The following NHLRC2 variants were observed in gnomAD, a reference collection of about 807,000 sequenced individuals.
The protein encoded by NHLRC2 is NHL repeat-containing protein 2.
In NHLRC2, 33 loss-of-function variants were observed where a neutral mutation model predicts 68.1. The ratio of observed to expected loss-of-function variants is 0.48; its 90% confidence interval spans 0.37 to 0.65. The LOEUF (loss-of-function observed/expected upper bound fraction) is 0.65, where lower values mean the gene tolerates loss of function less well. Among genes scored for constraint, NHLRC2 ranks in the 30% least tolerant of loss-of-function variants. The pLI is 0.00. For synonymous variants in NHLRC2, 311 were observed against 309.6 expected, an observed-to-expected ratio of 1.00 and a Z score of -0.05; for missense variants, 761 against 853.8, an observed-to-expected ratio of 0.89 and a Z score of 1.35.
chr10:113,872,017 A>G lies in NHLRC2; in HGVS notation c.332-4504A>G, dbSNP rs550842151. Among the ~76,000 whole-genome samples, 5 of 152,266 alleles carry G rather than the reference A, an allele frequency of 3.3e-5. 1 individual carries two copies. The South Asian group carries it at 1.0e-3, about 32-fold the overall frequency. On this transcript the variant is annotated intron_variant, in intron 2 of 10. Transcript: ENST00000369301. The stretch of plus-strand genomic sequence containing the variant: ...TTCAGAGTATTTAGACAACGCACAA[A>G]CAGAATAGTCTCCTTACCCCCAGAA...
chr10:113,860,277 T>G (rs1402340179), intron 2 of NHLRC2, among the ~76,000 whole-genome samples: 1 of 152,164 alleles, frequency 6.6e-6, no homozygotes, highest in African/African-American at 2.4e-5. Flanking sequence ...GAAAGACTAT[T>G]TGGTGAACTC....
chr10:113,895,971 A>G (rs929713323), intron 5 of NHLRC2, among the ~76,000 whole-genome samples: 2 of 152,214 alleles, frequency 1.3e-5, no homozygotes, highest in Admixed American at 1.3e-4. Context: ...ATGAGATACC[A>G]TCTCACACCA....
intron 5 of NHLRC2, among the ~76,000 whole-genome samples, chr10:113,890,519 G>T (rs4385846): frequency 0.8 from 120,992 of 152,024 alleles, 48,201 homozygotes; most frequent in Admixed American, 0.85. Context: ...GTTCATTATT[G>T]TCAAGAAATT....
At chr10:113,906,557 A>T (rs1846276835) in intron 10 of NHLRC2, among the ~76,000 whole-genome samples, 1 of 151,464 alleles carries the variant, frequency 6.6e-6, no homozygotes, top group Non-Finnish European at 1.5e-5. Flanking sequence ...AAAAGGCAGC[A>T]TAAAAGCACC....
intron 2 of NHLRC2, among the ~76,000 whole-genome samples, chr10:113,862,545 CAAAT>C (rs1242949114): frequency 6.7e-6 from 1 of 149,550 alleles, no homozygotes; most frequent in Non-Finnish European, 1.5e-5. Context: ...ATGTAGAAAA[CAAAT>C]AGCCAAATGA....
In NHLRC2 at chr10:113,904,914, T is replaced by C. The variant is rs1222921089; in HGVS notation, c.1802T>C (p.Ile601Thr). 6.2e-7 allele frequency: 1 copy of C among 1,609,186 alleles called. No homozygotes were observed. ...AAACTACCTAAATCTGCTCCAAGCA[T>C]TAGGCTTTCCCCCGTGACTGCGTGT... is the stretch of plus-strand genomic sequence containing the variant. ...LPKLPKSAPSIRLSPVTACAG... is the reference protein window; with the variant it reads ...LPKLPKSAPSTRLSPVTACAG... The change falls in exon 10 of 11, where the codon ATT becomes ACT. Residue 601 changes from isoleucine to threonine, a missense_variant. Transcript: ENST00000369301.
rs1050586255 is a variant in NHLRC2, at chr10:113,911,932, A to G, written c.*3396A>G. On this transcript the variant is annotated 3_prime_UTR_variant, in exon 11 of 11. Transcript: ENST00000369301. ...TATTTTTAAAATCACGGTGGGGGGAAACCCATAAAGTTTAAAGAGTTAAAG... is the reference window on the plus strand; with the variant it reads ...TATTTTTAAAATCACGGTGGGGGGAGACCCATAAAGTTTAAAGAGTTAAAG... 6.6e-6 allele frequency: 1 copy of G among 152,078 alleles called. No individual in the cohort carries two copies. The highest frequency in any genetic ancestry group is 1.5e-5 in the Non-Finnish European group (1 of 67,990). The allele number at this position is 152,078 out of a possible 1,614,324, so 9.4% of individuals were successfully genotyped here.
In NHLRC2 at chr10:113,898,197, T is replaced by C; in HGVS notation, c.1127T>C (p.Leu376Pro). Residue 376 changes from leucine to proline, a missense_variant, in exon 6 of 11, where the codon CTG (leucine) becomes CCG (proline). By Grantham distance (98) the Leu-to-Pro change is moderately conservative. Transcript: ENST00000369301. ...IWALLLDSGK[L>P]PKKNELTKGT... Reference sequence around the variant, plus strand: ...GCACTCCTGCTGGACTCTGGCAAACTGCCAAAGAAAAAGTAAGTGACAGCC... The same window carrying C: ...GCACTCCTGCTGGACTCTGGCAAACCGCCAAAGAAAAAGTAAGTGACAGCC... 1 of 1,610,208 alleles carries C rather than the reference T, an allele frequency of 6.2e-7. No individual in the cohort carries two copies. Among genetic ancestry groups the C allele is most frequent in the Non-Finnish European group, 8.5e-7 (1 of 1,176,564 alleles).
In NHLRC2 at chr10:113,910,113, T is replaced by C. The variant is rs1846312878; in HGVS notation, c.*1577T>C. 1 of 152,194 alleles carries C rather than the reference T, an allele frequency of 6.6e-6. No individual in the cohort carries two copies. Among genetic ancestry groups the C allele is most frequent in the Non-Finnish European group, 1.5e-5 (1 of 68,036 alleles). The allele number at this position is 152,194 out of a possible 1,614,324, so 9.4% of individuals were successfully genotyped here. On this transcript the variant is annotated 3_prime_UTR_variant, in exon 11 of 11. Transcript: ENST00000369301. ...ATTATATGTAATTACCTCATAAACC[T>C]TTTCTCTCCACAAGCAATCAAAAAA... is the stretch of plus-strand genomic sequence containing the variant.
intron 2 of NHLRC2, among the ~76,000 whole-genome samples, chr10:113,876,002 C>T (rs1217894524): frequency 6.7e-6 from 1 of 149,544 alleles, no homozygotes; most frequent in East Asian, 2.0e-4. Flanking sequence ...TACAGAAAGG[C>T]TTGTTCTAAG....
chr10:113,865,290 C>CG (rs1174716649), intron 2 of NHLRC2, among the ~76,000 whole-genome samples: 2 of 142,146 alleles, frequency 1.4e-5, no homozygotes, highest in Admixed American at 7.0e-5. Context: ...ATCCCCCCCC[C>CG]CCGTTCCTCT....
intron 5 of NHLRC2, among the ~76,000 whole-genome samples, chr10:113,886,000 A>T (rs1169708877): frequency 1.3e-5 from 2 of 151,960 alleles, no homozygotes; most frequent in Non-Finnish European, 2.9e-5. Flanking sequence ...AATCCTTATG[A>T]CTCTACCAAA....
At chr10:113,886,168 G>A (rs1846081105) in intron 5 of NHLRC2, among the ~76,000 whole-genome samples, 1 of 151,976 alleles carries the variant, frequency 6.6e-6, no homozygotes, top group South Asian at 2.1e-4. Flanking sequence ...ATATTTAAGA[G>A]TAAATTTAAC....
intron 2 of NHLRC2, among the ~76,000 whole-genome samples, chr10:113,873,112 A>G (rs1845943346): frequency 6.6e-6 from 1 of 152,238 alleles, no homozygotes; most frequent in Admixed American, 6.5e-5. Context: ...AAGCAAGGCA[A>G]CAGTAGAGTG....
chr10:113,854,903 C>T lies in NHLRC2; in HGVS notation c.31C>T (p.Leu11Phe). The change falls in exon 1 of 11, where the codon CTC (leucine) becomes TTC (phenylalanine). Residue 11 changes from leucine (L) to phenylalanine (F), a missense_variant. Coordinates refer to ENST00000369301, the MANE Select transcript of NHLRC2 (RefSeq NM_198514.4). Reference protein sequence around the residue: MAAPGGRGRSLSGLLPAQTSL... With the variant: MAAPGGRGRSFSGLLPAQTSL... ...GGCGCCCGGAGGCCGGGGCCGCAGC[C>T]TCTCCGGCCTGCTCCCCGCGCAGAC... 1.3e-6 allele frequency: 2 copies of T among 1,551,038 alleles called. No homozygotes were observed. Among genetic ancestry groups the T allele is most frequent in the Non-Finnish European group, 1.7e-6 (2 of 1,147,164 alleles).
intron 2 of NHLRC2, among the ~76,000 whole-genome samples, chr10:113,864,565 C>T (rs144138457): frequency 2.5e-3 from 373 of 151,860 alleles, no homozygotes; most frequent in Non-Finnish European, 2.9e-3. Flanking sequence ...GGTGTGGTGG[C>T]GCGCCCCTGT....
chr10:113,864,948 T>A (rs1845850880), intron 2 of NHLRC2, among the ~76,000 whole-genome samples: 1 of 148,588 alleles, frequency 6.7e-6, no homozygotes, highest in African/African-American at 2.5e-5. Flanking sequence ...AAATCAGAGG[T>A]TTTTTGGTTT....
chr10:113,889,555 G>A (rs2134722764), intron 5 of NHLRC2, among the ~76,000 whole-genome samples: 1 of 152,094 alleles, frequency 6.6e-6, no homozygotes. Flanking sequence ...TTGACTTGGT[G>A]TTGATTTTTT....
chr10:113,900,295 C>T (rs1292255261), intron 6 of NHLRC2, among the ~76,000 whole-genome samples: 1 of 152,160 alleles, frequency 6.6e-6, no homozygotes, highest in Non-Finnish European at 1.5e-5. Flanking sequence ...GTTATCCAGG[C>T]AAGAGATGAT....
Sources: allele counts gnomAD v4.1 joint callset (sites outside exome capture counted in the v4.1 genomes callset), GRCh38; gene constraint gnomAD v4.1.1; transcripts MANE v1.5; gene names NCBI Gene and HGNC (gene_info 2026-07-23, HGNC 2026-07-21).